The following NALF1 variants were observed in gnomAD, a reference collection of about 807,000 sequenced individuals.
NALF1 encodes the protein NALCN channel auxiliary factor 1, also known as family with sequence similarity 155 member A.
A neutral mutation model predicts 48.4 loss-of-function variants in NALF1; 3 were observed. The ratio of observed to expected loss-of-function variants is 0.06; its 90% CI spans 0.03 to 0.16. The LOEUF is 0.16. NALF1 is among the 10% of genes least tolerant of loss of function. The probability of loss-of-function intolerance (pLI) is 1.00; values close to 1 mark genes in which losing one functional copy is unlikely to be tolerated. For synonymous variants in NALF1, 262 were observed against 245.7 expected (o/e 1.07, Z -0.62); for missense variants, 526 against 571.5 (o/e 0.92, Z 0.81).
chr13:107,385,737 T>C (rs552510781), intron 1 of NALF1, among the ~76,000 whole-genome samples: 13 of 152,326 alleles, frequency 8.5e-5, no homozygotes, highest in Non-Finnish European at 1.6e-4. Flanking sequence ...AATCTGTATA[T>C]GCCAATTCTT....
intron 1 of NALF1, among the ~76,000 whole-genome samples, chr13:107,448,300 A>C (rs1884683738): frequency 6.6e-6 from 1 of 152,190 alleles, no homozygotes; most frequent in Non-Finnish European, 1.5e-5. Flanking sequence ...AAAATCCTGC[A>C]GATATATTAA....
intron 1 of NALF1, among the ~76,000 whole-genome samples, chr13:107,480,623 A>T (rs1353763864): frequency 1.3e-5 from 2 of 152,206 alleles, no homozygotes; most frequent in Non-Finnish European, 2.9e-5. Context: ...AATGTTTTAG[A>T]AAGTTTACAA....
chr13:107,228,252 G>T (rs945342261), intron 1 of NALF1, among the ~76,000 whole-genome samples: 1 of 152,188 alleles, frequency 6.6e-6, no homozygotes, highest in Admixed American at 6.5e-5. Context: ...TACTGACATA[G>T]TCATCTTATT....
chr13:107,859,071 G>T (rs1880504009), intron 1 of NALF1, among the ~76,000 whole-genome samples: 1 of 152,120 alleles, frequency 6.6e-6, no homozygotes, highest in Non-Finnish European at 1.5e-5. Context: ...TGAACTTCGA[G>T]TTCCCCACGG....
At chr13:107,504,177 G>A (rs2139081054) in intron 1 of NALF1, among the ~76,000 whole-genome samples, 1 of 151,508 alleles carries the variant, frequency 6.6e-6, no homozygotes, top group African/African-American at 2.4e-5. Context: ...CTTAAGCCTG[G>A]GAGGCAGAGG....
intron 1 of NALF1, among the ~76,000 whole-genome samples, chr13:107,212,913 C>T (rs1323358894): frequency 6.6e-6 from 1 of 152,112 alleles, no homozygotes; most frequent in African/African-American, 2.4e-5. Flanking sequence ...CTATGTAATG[C>T]CAGAAAGTGG....
chr13:107,672,066 T>C (rs75181069), intron 1 of NALF1, among the ~76,000 whole-genome samples: 2,611 of 152,284 alleles, frequency 0.017, 44 homozygotes, highest in Non-Finnish European at 0.028. Flanking sequence ...AGCCCTAACA[T>C]GTTCGGAGAA....
chr13:107,486,395 T>C (rs1741827231), intron 1 of NALF1, among the ~76,000 whole-genome samples: 1 of 152,160 alleles, frequency 6.6e-6, no homozygotes, highest in African/African-American at 2.4e-5. Flanking sequence ...TAGAAAGAGT[T>C]GCCGGCAGGT....
At chr13:107,219,664 T>C (rs1879950668) in intron 1 of NALF1, among the ~76,000 whole-genome samples, 1 of 152,220 alleles carries the variant, frequency 6.6e-6, no homozygotes, top group Admixed American at 6.5e-5. Flanking sequence ...ACAATCTATT[T>C]AGAAAATACC....
chr13:107,702,408 T>A (rs1158472735), intron 1 of NALF1, among the ~76,000 whole-genome samples: 1 of 152,190 alleles, frequency 6.6e-6, no homozygotes, highest in Non-Finnish European at 1.5e-5. Flanking sequence ...CTGTTTTAGA[T>A]GTTTCTCTTG....
At chr13:107,448,273 C>A (rs992882055) in intron 1 of NALF1, among the ~76,000 whole-genome samples, 6 of 151,982 alleles carry the variant, frequency 3.9e-5, no homozygotes, top group African/African-American at 1.5e-4. Context: ...ACGACTGGAG[C>A]TAATTTAACC....
chr13:107,609,700 T>C (rs144228583), intron 1 of NALF1, among the ~76,000 whole-genome samples: 13 of 152,340 alleles, frequency 8.5e-5, no homozygotes, highest in African/African-American at 3.1e-4. Context: ...AAAAAAATGT[T>C]GAATTCCATA....
chr13:107,286,493 AGGTATG>A (rs945787728), intron 1 of NALF1, among the ~76,000 whole-genome samples: 22 of 149,686 alleles, frequency 1.5e-4, no homozygotes, highest in African/African-American at 5.1e-4. Context: ...AAAATTATCT[AGGTATG>A]GGTGGCACGC....
chr13:107,579,200 T>G (rs1048683895), intron 1 of NALF1, among the ~76,000 whole-genome samples: 3 of 152,206 alleles, frequency 2.0e-5, no homozygotes, highest in Non-Finnish European at 4.4e-5. Flanking sequence ...CAAGTGATTC[T>G]CCTGCCTCAG....
intron 2 of NALF1, 35 bp downstream of exon 2, chr13:107,210,549 G>A: frequency 6.8e-7 from 1 of 1,474,608 alleles, no homozygotes; most frequent in Non-Finnish European, 9.4e-7. Context: ...AAAACCACCG[G>A]AGACTGGTGT....
intron 1 of NALF1, among the ~76,000 whole-genome samples, chr13:107,747,828 C>T (rs554547277): frequency 3.2e-4 from 49 of 152,244 alleles, no homozygotes; most frequent in African/African-American, 1.1e-3. Flanking sequence ...TGTAAACACA[C>T]GCACACATGC....
At chr13:107,729,901 GA>G (rs1876260850) in intron 1 of NALF1, among the ~76,000 whole-genome samples, 1 of 152,150 alleles carries the variant, frequency 6.6e-6, no homozygotes, top group East Asian at 1.9e-4. Context: ...TATATGCCTA[GA>G]AGAAATGACT....
At chr13:107,490,844 T>C (rs1885404318) in intron 1 of NALF1, among the ~76,000 whole-genome samples, 2 of 152,166 alleles carry the variant, frequency 1.3e-5, no homozygotes, top group Non-Finnish European at 2.9e-5. Context: ...GAGAGGCTAA[T>C]AGAAATATTT....
chr13:107,373,119 A>C (rs1883275684), intron 1 of NALF1, among the ~76,000 whole-genome samples: 1 of 152,212 alleles, frequency 6.6e-6, no homozygotes, highest in African/African-American at 2.4e-5. Context: ...TATAAGGTAT[A>C]CAGAGCATCT....
Sources: gnomAD v4.1 joint callset for allele counts (sites outside exome capture counted in the v4.1 genomes callset) on GRCh38, gnomAD v4.1.1 for gene constraint, MANE v1.5 for transcripts, NCBI Gene and HGNC (gene_info 2026-07-23, HGNC 2026-07-21) for gene names.